The following ADK variants were observed in gnomAD, a reference collection of about 807,000 sequenced individuals.
ADK encodes the protein N6,N6-dimethyladenosine kinase.
Under a neutral mutation model 44.7 loss-of-function variants are expected in ADK, and 24 were observed. The ratio of observed to expected loss-of-function variants is 0.54; its 90% confidence interval spans 0.39 to 0.76. The LOEUF (loss-of-function observed/expected upper bound fraction) is 0.76, where lower values mean the gene tolerates loss of function less well. Ranked by LOEUF, ADK falls within the 30% of genes least tolerant of loss-of-function variation. The pLI is 0.00. For missense variants in ADK, 321 were observed against 425.1 expected (o/e 0.76, Z 2.15); for synonymous variants, 128 against 142.6 (o/e 0.90, Z 0.73).
chr10:74,424,503 C>G (rs1844712023), intron 6 of ADK, among the ~76,000 whole-genome samples: 1 of 128,018 alleles, frequency 7.8e-6, no homozygotes, highest in Non-Finnish European at 1.5e-5. Context: ...CCACTGCACT[C>G]CAGCCTGGGC....
chr10:74,465,539 A>C (rs1036484662), intron 6 of ADK, among the ~76,000 whole-genome samples: 6 of 152,162 alleles, frequency 3.9e-5, no homozygotes, highest in African/African-American at 1.2e-4. Flanking sequence ...ACAAAACTGA[A>C]TGGGGCAAAG....
chr10:74,576,516 A>G (rs1002427679), intron 7 of ADK, among the ~76,000 whole-genome samples: 4 of 152,140 alleles, frequency 2.6e-5, no homozygotes, highest in African/African-American at 9.7e-5. Flanking sequence ...TAAATGTTAC[A>G]CTATGCAGAA....
intron 4 of ADK, among the ~76,000 whole-genome samples, chr10:74,317,247 T>C (rs1840654452): frequency 6.6e-6 from 1 of 152,218 alleles, no homozygotes; most frequent in Admixed American, 6.5e-5. Flanking sequence ...GGTCTGAACT[T>C]CTTCCTAATG....
chr10:74,373,588 A>C (rs555737847), intron 4 of ADK, among the ~76,000 whole-genome samples: 1 of 152,226 alleles, frequency 6.6e-6, no homozygotes, highest in Non-Finnish European at 1.5e-5. Context: ...ATTAGCTATC[A>C]GGTATATTAA....
At chr10:74,303,267 C>T (rs1840121909) in intron 3 of ADK, among the ~76,000 whole-genome samples, 1 of 152,032 alleles carries the variant, frequency 6.6e-6, no homozygotes, top group African/African-American at 2.4e-5. Flanking sequence ...TAAAATTGAA[C>T]GCTAGTCTAT....
intron 9 of ADK, among the ~76,000 whole-genome samples, chr10:74,606,232 C>CT (rs1184805103): frequency 1.3e-5 from 2 of 152,156 alleles, no homozygotes; most frequent in African/African-American, 4.8e-5. Flanking sequence ...TTTTTTGTGT[C>CT]TAACTCCTTC....
At chr10:74,300,268 T>G (rs1839967569) in intron 3 of ADK, among the ~76,000 whole-genome samples, 1 of 32,780 alleles carries the variant, frequency 3.1e-5, no homozygotes, top group Admixed American at 2.8e-4. Context: ...GTTTCCTTCC[T>G]TCCTTCCTTC....
Position 74,186,207 on chromosome 10 carries a change from C to CTTCCCTTCCT in ADK, c.66-14547_66-14538dup, listed in dbSNP as rs1225073792. The stretch of plus-strand genomic sequence containing the variant: ...CTTCCCTTTCCTTCCCTTCCCTTCC[C>CTTCCCTTCCT]TTCCCTTCCTTTCCCTTCCCCTCCT... On this transcript the variant is annotated intron_variant, in intron 1 of 10. Transcript: ENST00000539909. Among the ~76,000 whole-genome samples, 501 of 137,248 alleles carry CTTCCCTTCCT rather than the reference C, an allele frequency of 3.7e-3. 1 individual carries two copies. Among genetic ancestry groups the CTTCCCTTCCT allele is most frequent in the African/African-American group, 0.012 (461 of 37,184 alleles). The allele number at this position is 137,248 out of a possible 152,430, so 90.0% of individuals were successfully genotyped here. A position where few individuals can be genotyped will look rare whatever the true frequency, so the allele number is the denominator to read the frequency against.
intron 4 of ADK, among the ~76,000 whole-genome samples, chr10:74,315,164 GTAAT>G (rs1840573072): frequency 6.6e-6 from 1 of 151,874 alleles, no homozygotes; most frequent in Non-Finnish European, 1.5e-5. Context: ...AGTTTTTAAC[GTAAT>G]TAAACTTTAT....
intron 7 of ADK, among the ~76,000 whole-genome samples, chr10:74,575,802 C>CA (rs1458449817): frequency 1.3e-5 from 2 of 152,118 alleles, no homozygotes; most frequent in African/African-American, 2.4e-5. Context: ...ATGAATCTAA[C>CA]AGTTGTGTGC....
chr10:74,572,291 G>T (rs984485454), intron 7 of ADK, among the ~76,000 whole-genome samples: 9 of 152,304 alleles, frequency 5.9e-5, no homozygotes, highest in African/African-American at 1.9e-4. Flanking sequence ...ATGAAATTCT[G>T]TGTTGAAAAT....
At chr10:74,532,448 A>G (rs1019796428) in intron 7 of ADK, among the ~76,000 whole-genome samples, 1 of 147,692 alleles carries the variant, frequency 6.8e-6, no homozygotes, top group Non-Finnish European at 1.5e-5. Flanking sequence ...ACCACACGCC[A>G]GCCTGGGCAA....
At chr10:74,330,380 G>C (rs1486505427) in intron 4 of ADK, among the ~76,000 whole-genome samples, 2 of 152,022 alleles carry the variant, frequency 1.3e-5, no homozygotes, top group African/African-American at 2.4e-5. Flanking sequence ...CCTGTGAATA[G>C]CCATTTTACT....
Position 74,642,851 on chromosome 10 carries a change from T to TA in ADK, c.878-27330dup, listed in dbSNP as rs1554891906. ...TCTTTTTTTTTTTTTTTTTTTTTTTTAAGACAGGGTCTCACTCAGTCACTA... is the reference window on the plus strand; with the variant it reads ...TCTTTTTTTTTTTTTTTTTTTTTTTTAAAGACAGGGTCTCACTCAGTCACTA... On this transcript the variant is annotated intron_variant, in intron 9 of 10. Coordinates refer to ENST00000539909, the MANE Select transcript of ADK (RefSeq NM_006721.4). 4.1e-3 allele frequency among the ~76,000 whole-genome samples: 593 copies of TA among 143,888 alleles called. 5 individuals carry two copies. The highest frequency in any genetic ancestry group is 0.015 in the African/African-American group (568 of 37,248). The allele number at this position is 143,888 out of a possible 152,430, so 94.4% of individuals were successfully genotyped here.
At chr10:74,211,455 G>A (rs1329813250) in intron 2 of ADK, among the ~76,000 whole-genome samples, 2 of 152,074 alleles carry the variant, frequency 1.3e-5, no homozygotes, top group Non-Finnish European at 2.9e-5. Context: ...TGGTTAGGCT[G>A]ATTTTTTTAA....
chr10:74,527,368 CA>C (rs1249960922), intron 7 of ADK, among the ~76,000 whole-genome samples: 4 of 93,334 alleles, frequency 4.3e-5, no homozygotes, highest in African/African-American at 9.3e-5. Context: ...AAAAAACAAA[CA>C]AACAAAAAAA....
At chr10:74,451,955 A>T (rs1456141496) in intron 6 of ADK, among the ~76,000 whole-genome samples, 1 of 151,842 alleles carries the variant, frequency 6.6e-6, no homozygotes, top group Non-Finnish European at 1.5e-5. Context: ...CAGTGGATAC[A>T]TTGATGAAAC....
At chr10:74,421,677 C>T (rs1023243486) in intron 6 of ADK, among the ~76,000 whole-genome samples, 2 of 152,012 alleles carry the variant, frequency 1.3e-5, no homozygotes, top group Non-Finnish European at 2.9e-5. Context: ...ATGACTGATT[C>T]TGGGGCTGGT....
intron 1 of ADK, among the ~76,000 whole-genome samples, chr10:74,195,869 G>A (rs1321628760): frequency 2.0e-5 from 3 of 151,722 alleles, no homozygotes; most frequent in Non-Finnish European, 2.9e-5. Context: ...TAGAGATGGA[G>A]TCTCGCCATG....
Sources: gnomAD v4.1 joint callset for allele counts (sites outside exome capture counted in the v4.1 genomes callset) on GRCh38, gnomAD v4.1.1 for gene constraint, MANE v1.5 for transcripts, NCBI Gene and HGNC (gene_info 2026-07-23, HGNC 2026-07-21) for gene names.